SHLD2: variants seen among roughly 807,000 people sequenced by gnomAD.
SHLD2 encodes the protein RINN1-REV7-interacting novel NHEJ regulator 2.
Under a neutral mutation model 73.2 loss-of-function variants are expected in SHLD2, and 30 were observed. The observed-to-expected ratio is 0.41, with a 90% CI of 0.31 to 0.56. SHLD2 has a LOEUF of 0.56. Among genes scored for constraint, SHLD2 ranks in the 20% least tolerant of loss-of-function variants. SHLD2 has a pLI of 0.28. For synonymous variants in SHLD2, 285 were observed against 370.1 expected, an observed-to-expected ratio of 0.77 and a Z score of 2.64; for missense variants, 745 against 1,055.9, an observed-to-expected ratio of 0.71 and a Z score of 4.08.
rs748430688 is a variant in SHLD2 at position 87,152,126 on chromosome 10, A to C, written c.772A>C (p.Lys258Gln). The change falls in exon 3 of 10, where the codon AAA becomes CAA. Residue 258 changes from lysine (K) to glutamine (Q), a missense_variant. Coordinates refer to ENST00000298786, the MANE Select transcript of SHLD2 (RefSeq NM_001330112.2). ...CCAGGTTGCTTTTTTAGCTCAAAAG[A>C]AAGATAAAAGGCGGAGTCCTGTAAA... ...SSQVAFLAQKKDKRRSPVNKG... is the reference protein window; with the variant it reads ...SSQVAFLAQKQDKRRSPVNKG... 3.7e-6 allele frequency: 6 copies of C among 1,611,762 alleles called. No homozygotes were observed. The highest frequency in any genetic ancestry group is 5.1e-6 in the Non-Finnish European group (6 of 1,179,824).
intron 3 of SHLD2, among the ~76,000 whole-genome samples, chr10:87,153,345 G>A (rs1374336578): frequency 3.9e-5 from 6 of 152,220 alleles, no homozygotes; most frequent in African/African-American, 1.2e-4. Flanking sequence ...GGTTGAGGCT[G>A]CAGTGAGCTT....
rs570408946 is a variant in SHLD2 at position 87,154,434 on chromosome 10, G to T, written c.1525+1555G>T. The T allele has an allele frequency of 2.0e-5, 3 of 149,870 alleles. 1 individual carries two copies. The highest frequency in any genetic ancestry group is 3.9e-4 in the East Asian group (2 of 5,140). 9.3% of individuals were successfully genotyped at this position (149,870 alleles called of 1,614,324 possible). On this transcript the variant is annotated intron_variant, in intron 3 of 9. Coordinates refer to ENST00000298786, the MANE Select transcript of SHLD2 (RefSeq NM_001330112.2). ...CTTGCTCTGTCACCCAGGCTGGAGC[G>T]CAGTGGCACAATCTTGACTCACTGC...
At chr10:87,096,528 G>A (rs1203196540) in intron 1 of SHLD2, among the ~76,000 whole-genome samples, 3 of 152,094 alleles carry the variant, frequency 2.0e-5, no homozygotes, top group East Asian at 1.9e-4. Flanking sequence ...CAGGCTGATC[G>A]CTTGAGGCCA....
At chr10:87,122,164 A>T (rs1006534550) in intron 2 of SHLD2, among the ~76,000 whole-genome samples, 1 of 111,252 alleles carries the variant, frequency 9.0e-6, no homozygotes. Context: ...GTCTTTCTCC[A>T]CTGACTGTCA....
At chr10:87,164,006 G>A (rs1032593817) in intron 4 of SHLD2, among the ~76,000 whole-genome samples, 23 of 146,864 alleles carry the variant, frequency 1.6e-4, no homozygotes, top group African/African-American at 5.1e-4. Context: ...CACCCAGGCT[G>A]GAGTGCAGTG....
In SHLD2 at chr10:87,187,079, T is replaced by G. The variant is rs1352607609; in HGVS notation, c.2400-6T>G. On this transcript the variant is annotated splice_polypyrimidine_tract_variant and splice_region_variant and intron_variant, in intron 8 of 9. Coordinates refer to ENST00000298786, the MANE Select transcript of SHLD2 (RefSeq NM_001330112.2). ...TGAAGGTCGTGTGTTGTTTACTCTT[T>G]TGTAGGCCAGCGTTAATGACTGCCA... 1.3e-6 allele frequency: 2 copies of G among 1,585,170 alleles called. No individual in the cohort carries two copies. Among genetic ancestry groups the G allele is most frequent in the South Asian group, 1.1e-5 (1 of 90,362 alleles).
At chr10:87,134,355 A>G (rs1282720757) in intron 2 of SHLD2, among the ~76,000 whole-genome samples, 1 of 152,248 alleles carries the variant, frequency 6.6e-6, no homozygotes, top group Non-Finnish European at 1.5e-5. Context: ...TGGTTGCTCT[A>G]GGATGGAACA....
At chr10:87,106,488 A>G (rs1297760270) in intron 2 of SHLD2, among the ~76,000 whole-genome samples, 1 of 152,232 alleles carries the variant, frequency 6.6e-6, no homozygotes, top group Non-Finnish European at 1.5e-5. Context: ...GTATACAGTA[A>G]ACAGTCTTCA....
At chr10:87,111,229 A>G (rs554587421) in intron 2 of SHLD2, among the ~76,000 whole-genome samples, 1 of 152,214 alleles carries the variant, frequency 6.6e-6, no homozygotes, top group South Asian at 2.1e-4. Context: ...TGGCGCCATC[A>G]TGGCTCACTG....
intron 2 of SHLD2, among the ~76,000 whole-genome samples, chr10:87,107,268 G>C (rs1842659781): frequency 6.6e-6 from 1 of 152,092 alleles, no homozygotes; most frequent in African/African-American, 2.4e-5. Context: ...CAAAAACTTA[G>C]CTGGGCGTGG....
In SHLD2 at chr10:87,152,053, C is replaced by T; in HGVS notation, c.699C>T (p.Asp233=). The T allele has an allele frequency of 1.2e-6, 2 of 1,611,728 alleles. No individual in the cohort carries two copies. Among genetic ancestry groups the T allele is most frequent in the East Asian group, 4.5e-5 (2 of 44,882 alleles). ...AAGCAGCAGTTAGGAAGGTCTCAGA[C>T]CTTAAAATATCAACTGATACAGAAT... ...RSEAAVRKVS[D]LKISTDTEFL... Residue 233 remains aspartate, a synonymous_variant, in exon 3 of 10, where the codon GAC becomes GAT. Coordinates refer to ENST00000298786, the MANE Select transcript of SHLD2 (RefSeq NM_001330112.2).
At chr10:87,116,743 ATATATT>A (rs1843283039) in intron 2 of SHLD2, among the ~76,000 whole-genome samples, 2 of 152,162 alleles carry the variant, frequency 1.3e-5, no homozygotes, top group Non-Finnish European at 1.5e-5. Context: ...GCTGTGGTAT[ATATATT>A]TGTATGAATG....
chr10:87,133,536 G>A (rs1247071285), intron 2 of SHLD2, among the ~76,000 whole-genome samples: 1 of 152,184 alleles, frequency 6.6e-6, no homozygotes, highest in Non-Finnish European at 1.5e-5. Context: ...TAATTAGCAA[G>A]TAATGAATAT....
At chr10:87,105,584 T>C (rs1842544633) in intron 2 of SHLD2, among the ~76,000 whole-genome samples, 1 of 152,156 alleles carries the variant, frequency 6.6e-6, no homozygotes, top group Non-Finnish European at 1.5e-5. Flanking sequence ...GATAACATTA[T>C]CTAACAAGAA....
At chr10:87,111,188 G>T (rs1842897370) in intron 2 of SHLD2, among the ~76,000 whole-genome samples, 1 of 151,836 alleles carries the variant, frequency 6.6e-6, no homozygotes, top group Non-Finnish European at 1.5e-5. Context: ...TTGAGACAGG[G>T]TCTCATCATG....
chr10:87,127,314 A>G (rs1208841665), intron 2 of SHLD2, among the ~76,000 whole-genome samples: 2 of 152,212 alleles, frequency 1.3e-5, no homozygotes, highest in Non-Finnish European at 2.9e-5. Context: ...TAGCTGGTAG[A>G]AAGTTTTCAC....
At chr10:87,148,351 A>G (rs1845769523) in intron 2 of SHLD2, among the ~76,000 whole-genome samples, 2 of 152,220 alleles carry the variant, frequency 1.3e-5, no homozygotes, top group African/African-American at 4.8e-5. Flanking sequence ...TGGTGGTCTC[A>G]CAGAGTCAAA....
chr10:87,155,847 G>C (rs1846382131), intron 3 of SHLD2, among the ~76,000 whole-genome samples: 1 of 151,892 alleles, frequency 6.6e-6, no homozygotes, highest in African/African-American at 2.4e-5. Context: ...TGATTTCTAT[G>C]AACATTTTTT....
chr10:87,129,450 T>C (rs1235320871), intron 2 of SHLD2, among the ~76,000 whole-genome samples: 1 of 151,676 alleles, frequency 6.6e-6, no homozygotes, highest in Non-Finnish European at 1.5e-5. Context: ...TTTTCTTGAA[T>C]TATTTCACTG....
Sources: allele counts gnomAD v4.1 joint callset (sites outside exome capture counted in the v4.1 genomes callset), GRCh38; gene constraint gnomAD v4.1.1; transcripts MANE v1.5; gene names NCBI Gene and HGNC (gene_info 2026-07-23, HGNC 2026-07-21).